Variants in DYM observed in about 807,000 individuals in gnomAD.
DYM encodes dyggve-Melchior-Clausen syndrome protein.
DYM carries 78 observed loss-of-function variants against 93.1 expected under a neutral mutation model. The ratio of observed to expected loss-of-function variants is 0.84; its 90% confidence interval spans 0.70 to 1.01. The LOEUF is 1.01. DYM is among the 50% of genes least tolerant of loss of function. DYM has a pLI of 0.00. For missense variants in DYM, 789 were observed against 845.0 expected (o/e 0.93, Z 0.82); for synonymous variants, 321 against 319.7 (o/e 1.00, Z -0.04).
intron 13 of DYM, among the ~76,000 whole-genome samples, chr18:49,251,471 T>C (rs991639469): frequency 3.3e-5 from 5 of 152,146 alleles, no homozygotes; most frequent in African/African-American, 4.8e-5. Context: ...GGCCATTACC[T>C]AGGACAGGGG....
chr18:49,148,392 T>C (rs2085410310), intron 15 of DYM, among the ~76,000 whole-genome samples: 1 of 151,860 alleles, frequency 6.6e-6, no homozygotes, highest in African/African-American at 2.4e-5. Flanking sequence ...TACTTTAAGA[T>C]ACATTTTAAA....
At chr18:49,057,798 G>C (rs1379919303) in intron 17 of DYM, among the ~76,000 whole-genome samples, 2 of 152,250 alleles carry the variant, frequency 1.3e-5, no homozygotes, top group Admixed American at 6.5e-5. Flanking sequence ...TGGTATCATG[G>C]AGGGAAAATT....
chr18:49,147,280 G>A (rs1485274255), intron 15 of DYM, among the ~76,000 whole-genome samples: 1 of 151,780 alleles, frequency 6.6e-6, no homozygotes, highest in Non-Finnish European at 1.5e-5. Context: ...CAGGACATAG[G>A]CATGGGCAAG....
Position 49,043,669 on chromosome 18 carries a change from T to C in DYM, c.*386A>G, listed in dbSNP as rs2071098485. On this transcript the variant is annotated 3_prime_UTR_variant, in exon 18 of 18. Transcript: ENST00000675505. The stretch of plus-strand genomic sequence containing the variant: ...ATCTTGAACATGCAAAAAAATAGTC[T>C]ACGCTTTTGAATAGTGTGCACTGTT... The C allele has an allele frequency of 5.6e-6, 1 of 179,590 alleles. No individual in the cohort carries two copies. The highest frequency in any genetic ancestry group is 2.4e-5 in the African/African-American group (1 of 42,248). 11.1% of individuals were successfully genotyped at this position (179,590 alleles called of 1,614,324 possible). A position where few individuals can be genotyped will look rare whatever the true frequency, so the allele number is the denominator to read the frequency against.
intron 8 of DYM, among the ~76,000 whole-genome samples, chr18:49,323,991 T>G (rs917129596): frequency 1.3e-4 from 20 of 151,602 alleles, no homozygotes; most frequent in Admixed American, 1.2e-3. Context: ...CATAAAAAAT[T>G]AGGAATGGTG....
In DYM at chr18:49,265,634, C is replaced by T. The variant is rs547911705; in HGVS notation, c.1251+6544G>A. On this transcript the variant is annotated intron_variant, in intron 11 of 17. Transcript: ENST00000675505. ...TCTCTACTTAAAATACAAAATTAGC[C>T]GGGTGTGGTGGCGGGCGCCTGTAAT... 9.9e-5 allele frequency among the ~76,000 whole-genome samples: 15 copies of T among 151,700 alleles called. No homozygotes were observed. In the South Asian group the frequency reaches 1.0e-3, roughly 11 times the overall value.
chr18:49,282,001 T>C lies in DYM; in HGVS notation c.1121A>G (p.Asn374Ser), dbSNP rs375540712. The C allele has an allele frequency of 6.2e-7, 1 of 1,613,130 alleles. No individual in the cohort carries two copies. The highest frequency in any genetic ancestry group is 1.3e-5 in the African/African-American group (1 of 75,002). Residue 374 changes from asparagine (N) to serine (S), a missense_variant, in exon 10 of 18, where the codon AAT becomes AGT. Around this residue, in one of 3 missense-constraint regions of DYM, gnomAD observed 450 missense variants for 436.2 expected, o/e 1.03. Transcript: ENST00000675505. ...AATGTTTAGTATGATACTTACAAGA[T>C]TTTCCATATCTGTGCGAGCCAACAT... ...TYMLARTDME[N>S]LVLPILEILY...
chr18:49,331,512 T>C (rs2063302899), intron 8 of DYM, among the ~76,000 whole-genome samples: 1 of 152,216 alleles, frequency 6.6e-6, no homozygotes, highest in Non-Finnish European at 1.5e-5. Context: ...TACCCTAAAA[T>C]AACCTAAAAT....
intron 17 of DYM, among the ~76,000 whole-genome samples, chr18:49,063,112 G>A (rs2076112339): frequency 6.6e-6 from 1 of 152,062 alleles, no homozygotes; most frequent in South Asian, 2.1e-4. Context: ...TTAGGACAAA[G>A]GAACAAATAA....
intron 14 of DYM, among the ~76,000 whole-genome samples, chr18:49,187,559 G>A (rs754370336): frequency 2.6e-5 from 4 of 152,024 alleles, no homozygotes; most frequent in Admixed American, 1.3e-4. Flanking sequence ...CACAGTTTAA[G>A]ACAAATACAA....
intron 2 of DYM, among the ~76,000 whole-genome samples, chr18:49,410,120 C>T (rs1418650210): frequency 6.6e-6 from 1 of 152,148 alleles, no homozygotes; most frequent in East Asian, 1.9e-4. Flanking sequence ...GGCTGGATTA[C>T]AGTGTCATGA....
At chr18:49,068,109 T>C (rs1333130477) in intron 17 of DYM, among the ~76,000 whole-genome samples, 1 of 152,226 alleles carries the variant, frequency 6.6e-6, no homozygotes, top group Admixed American at 6.5e-5. Flanking sequence ...CTTTCAAGCT[T>C]TTTTGAGGCT....
chr18:49,061,147 A>G (rs1032861567), intron 17 of DYM, among the ~76,000 whole-genome samples: 1 of 150,842 alleles, frequency 6.6e-6, no homozygotes, highest in African/African-American at 2.4e-5. Context: ...ATGTACAAAA[A>G]TAACTATCAG....
chr18:49,180,439 A>G (rs2089819938), intron 14 of DYM, among the ~76,000 whole-genome samples: 1 of 152,182 alleles, frequency 6.6e-6, no homozygotes, highest in Non-Finnish European at 1.5e-5. Flanking sequence ...ATTTATCAGT[A>G]ACCTATATGG....
At chr18:49,290,417 T>C (rs903996684) in intron 8 of DYM, among the ~76,000 whole-genome samples, 6 of 152,050 alleles carry the variant, frequency 3.9e-5, no homozygotes, top group African/African-American at 9.7e-5. Context: ...AAACAGAGAT[T>C]ATCTCTAGAG....
chr18:49,271,334 A>C (rs548068648), intron 11 of DYM, among the ~76,000 whole-genome samples: 47 of 152,270 alleles, frequency 3.1e-4, no homozygotes, highest in African/African-American at 1.0e-3. Flanking sequence ...CAAAAATAAT[A>C]ATGTAAAAGC....
chr18:49,103,154 C>A (rs2080372504), intron 16 of DYM, among the ~76,000 whole-genome samples: 1 of 152,172 alleles, frequency 6.6e-6, no homozygotes, highest in East Asian at 1.9e-4. Flanking sequence ...ATTTGCATTT[C>A]TCTGATGGCC....
intron 13 of DYM, among the ~76,000 whole-genome samples, chr18:49,212,505 AT>A (rs953523974): frequency 1.1e-3 from 158 of 147,530 alleles, no homozygotes; most frequent in African/African-American, 1.5e-3. Flanking sequence ...GGTAAAACTA[AT>A]TTTTTTTTTT....
intron 8 of DYM, among the ~76,000 whole-genome samples, chr18:49,317,424 A>G (rs779423046): frequency 6.6e-6 from 1 of 152,112 alleles, no homozygotes; most frequent in Non-Finnish European, 1.5e-5. Flanking sequence ...GGGGTGCAGA[A>G]GTAGAGAAGG....
Sources: gnomAD v4.1 joint callset for allele counts (sites outside exome capture counted in the v4.1 genomes callset) on GRCh38, gnomAD v4.1.1 for gene constraint, gnomAD v4.1.1 regional missense constraint, MANE v1.5 for transcripts, NCBI Gene and HGNC (gene_info 2026-07-23, HGNC 2026-07-21) for gene names.